The following OPCML variants were observed in gnomAD, a reference collection of about 807,000 sequenced individuals.
The protein encoded by OPCML is opioid binding protein/cell adhesion molecule like.
OPCML carries 13 observed loss-of-function variants against 37.8 expected under a neutral mutation model. The observed-to-expected ratio is 0.34, with a 90% CI of 0.22 to 0.55. The LOEUF is 0.55. OPCML is among the 20% of genes least tolerant of loss of function. OPCML has a pLI of 0.91. For missense variants in OPCML, 341 were observed against 435.6 expected, an observed-to-expected ratio of 0.78 and a Z score of 1.93; for synonymous variants, 176 against 168.8, an observed-to-expected ratio of 1.04 and a Z score of -0.33.
intron 1 of OPCML, among the ~76,000 whole-genome samples, chr11:133,099,528 T>C (rs1949056342): frequency 1.3e-5 from 2 of 151,240 alleles, no homozygotes; most frequent in Non-Finnish European, 2.9e-5. Context: ...GCCTTGTGAT[T>C]CACCCACCTT....
At chr11:133,327,838 C>G (rs1943512555) in intron 1 of OPCML, among the ~76,000 whole-genome samples, 1 of 152,128 alleles carries the variant, frequency 6.6e-6, no homozygotes, top group African/African-American at 2.4e-5. Flanking sequence ...AAAGGGGAGT[C>G]CACCTAAGCC....
intron 2 of OPCML, among the ~76,000 whole-genome samples, chr11:132,733,265 A>G (rs1056619318): frequency 6.6e-6 from 1 of 152,108 alleles, no homozygotes; most frequent in African/African-American, 2.4e-5. Context: ...AGGAGAGAGC[A>G]GGCAGTAAGA....
chr11:133,443,239 A>G (rs1946400361), intron 1 of OPCML, among the ~76,000 whole-genome samples: 2 of 152,198 alleles, frequency 1.3e-5, no homozygotes, highest in Non-Finnish European at 2.9e-5. Context: ...AAAGAGCCCC[A>G]ACCAATCTTT....
intron 1 of OPCML, among the ~76,000 whole-genome samples, chr11:133,026,940 T>C (rs1264117135): frequency 6.6e-6 from 1 of 152,234 alleles, no homozygotes; most frequent in Non-Finnish European, 1.5e-5. Context: ...TTGATACCTG[T>C]TTATTTTAAC....
At chr11:133,468,546 C>T (rs529418606) in intron 1 of OPCML, among the ~76,000 whole-genome samples, 1 of 152,308 alleles carries the variant, frequency 6.6e-6, no homozygotes, top group South Asian at 2.1e-4. Context: ...AGATGACTGA[C>T]TCTGATGAGC....
chr11:132,747,550 C>A (rs768367729), intron 2 of OPCML, among the ~76,000 whole-genome samples: 12 of 152,142 alleles, frequency 7.9e-5, no homozygotes, highest in Admixed American at 3.9e-4. Flanking sequence ...TACCAGCCAA[C>A]CTTGCAACCA....
At chr11:133,363,467 C>T (rs2136726721) in intron 1 of OPCML, among the ~76,000 whole-genome samples, 1 of 152,330 alleles carries the variant, frequency 6.6e-6, no homozygotes, top group Non-Finnish European at 1.5e-5. Context: ...GCAAAAGGCA[C>T]ACGGATTATG....
intron 3 of OPCML, among the ~76,000 whole-genome samples, chr11:132,612,624 T>A (rs1159362622): frequency 6.6e-6 from 1 of 151,844 alleles, no homozygotes; most frequent in Admixed American, 6.6e-5. Flanking sequence ...AAAAAATGGG[T>A]CAAATTGGGA....
At chr11:133,155,523 C>T (rs1423049177) in intron 1 of OPCML, among the ~76,000 whole-genome samples, 2 of 152,112 alleles carry the variant, frequency 1.3e-5, no homozygotes, top group Admixed American at 6.5e-5. Flanking sequence ...TTTCATCTTT[C>T]CTGGGCTTCT....
At chr11:133,281,025 A>C (rs967600975) in intron 1 of OPCML, among the ~76,000 whole-genome samples, 10 of 152,202 alleles carry the variant, frequency 6.6e-5, no homozygotes, top group African/African-American at 2.4e-4. Context: ...CAACAGAGGC[A>C]CTGGAGAAAT....
At chr11:133,202,153 C>T (rs1222304096) in intron 1 of OPCML, among the ~76,000 whole-genome samples, 1 of 152,154 alleles carries the variant, frequency 6.6e-6, no homozygotes, top group African/African-American at 2.4e-5. Flanking sequence ...AAGGAGGGGT[C>T]TCTGCCGAGG....
chr11:133,009,331 A>G, intron 1 of OPCML: 1 of 567,502 alleles, frequency 1.8e-6, no homozygotes, highest in Non-Finnish European at 2.2e-6. Context: ...ATCTAGAATA[A>G]AAAAGATGTT....
chr11:132,876,289 G>A (rs539240008), intron 2 of OPCML, among the ~76,000 whole-genome samples: 1 of 152,202 alleles, frequency 6.6e-6, no homozygotes, highest in African/African-American at 2.4e-5. Context: ...TTTGAGGGCA[G>A]ACATATTGTC....
chr11:133,053,609 G>T (rs1948170071), intron 1 of OPCML, among the ~76,000 whole-genome samples: 1 of 152,180 alleles, frequency 6.6e-6, no homozygotes, highest in Non-Finnish European at 1.5e-5. Flanking sequence ...GTGCCTTTTA[G>T]CACAGATGAC....
intron 1 of OPCML, among the ~76,000 whole-genome samples, chr11:133,263,683 C>T (rs2136461798): frequency 6.6e-6 from 1 of 152,230 alleles, no homozygotes; most frequent in South Asian, 2.1e-4. Flanking sequence ...GAAACACCCG[C>T]CACTAATGGA....
chr11:132,587,331 A>C (rs2096475081), intron 3 of OPCML, among the ~76,000 whole-genome samples: 3 of 152,236 alleles, frequency 2.0e-5, no homozygotes, highest in Admixed American at 2.0e-4. Flanking sequence ...CCAGACATCA[A>C]ATGACTGTAG....
intron 4 of OPCML, among the ~76,000 whole-genome samples, chr11:132,514,374 T>C (rs1309371231): frequency 1.3e-5 from 2 of 152,134 alleles, no homozygotes; most frequent in Non-Finnish European, 2.9e-5. Context: ...GCGACAGAGC[T>C]TGAAGGATCA....
intron 3 of OPCML, among the ~76,000 whole-genome samples, chr11:132,538,253 A>G (rs78025915): frequency 0.015 from 2,352 of 152,362 alleles, 56 homozygotes; most frequent in African/African-American, 0.048. Context: ...GTACTGATAT[A>G]TGACCCAATG....
At chr11:132,920,932 G>T (rs949628626) in intron 2 of OPCML, among the ~76,000 whole-genome samples, 1 of 152,090 alleles carries the variant, frequency 6.6e-6, no homozygotes, top group Non-Finnish European at 1.5e-5. Context: ...CTTCCAGCCA[G>T]TCCCTTCCTG....
Sources: gnomAD v4.1 joint callset for allele counts (sites outside exome capture counted in the v4.1 genomes callset) on GRCh38, gnomAD v4.1.1 for gene constraint, MANE v1.5 for transcripts, NCBI Gene and HGNC (gene_info 2026-07-23, HGNC 2026-07-21) for gene names.